The following LEF1 variants were observed in gnomAD, a reference collection of about 807,000 sequenced individuals.
The protein encoded by LEF1 is lymphoid enhancer-binding factor 1.
A neutral mutation model predicts 51.2 loss-of-function variants in LEF1; 14 were observed. The observed-to-expected ratio is 0.27, with a 90% confidence interval of 0.18 to 0.43. LEF1 has a LOEUF of 0.43. Among genes scored for constraint, LEF1 ranks in the 20% least tolerant of loss-of-function variants. LEF1 has a pLI of 1.00. For synonymous variants in LEF1, 185 were observed against 183.2 expected (o/e 1.01, Z -0.08); for missense variants, 386 against 512.0 (o/e 0.75, Z 2.37).
chr4:108,126,187 T>C (rs896507130), intron 3 of LEF1, among the ~76,000 whole-genome samples: 1 of 152,282 alleles, frequency 6.6e-6, no homozygotes, highest in Middle Eastern at 3.4e-3. Context: ...AAGCCAATTC[T>C]AGATTTTTGA....
chr4:108,087,421 GT>G (rs951725557), intron 4 of LEF1, among the ~76,000 whole-genome samples: 6 of 151,934 alleles, frequency 3.9e-5, no homozygotes, highest in East Asian at 1.9e-4. Context: ...GTTTTGGAGA[GT>G]TTTTTTTTAA....
intron 2 of LEF1, among the ~76,000 whole-genome samples, chr4:108,164,677 A>G (rs990030713): frequency 6.6e-6 from 1 of 152,220 alleles, no homozygotes; most frequent in African/African-American, 2.4e-5. Context: ...TGTAATAAGG[A>G]ACAAGAAACA....
At chr4:108,081,525 A>G in intron 6 of LEF1, 61 bp downstream of exon 6, 1 of 1,351,376 alleles carries the variant, frequency 7.4e-7, no homozygotes, top group South Asian at 1.2e-5. Flanking sequence ...AGAGGCGCAC[A>G]GGATGCAAGC....
chr4:108,163,703 T>C lies in LEF1; in HGVS notation c.281-2A>G. 6.2e-7 allele frequency: 1 copy of C among 1,612,678 alleles called. No homozygotes were observed. Among genetic ancestry groups the C allele is most frequent in the Non-Finnish European group, 8.5e-7 (1 of 1,179,386 alleles). ...AGAGGCCTCCATCTGGATGCTTTCC[T>C]GGGAAGATCCAAAGAACAATCAATG... On this transcript the variant is annotated splice_acceptor_variant, in intron 2 of 11. Transcript: ENST00000265165. LOFTEE classifies it high-confidence loss of function.
intron 2 of LEF1, 88 bp from the exon 3 acceptor site, chr4:108,163,789 AT>A (rs1745219478): frequency 7.4e-7 from 1 of 1,359,668 alleles, no homozygotes; most frequent in Admixed American, 2.3e-5. Context: ...TAGTTCTAAG[AT>A]AAATCAGACC....
chr4:108,153,066 A>G (rs1744454001), intron 3 of LEF1, among the ~76,000 whole-genome samples: 1 of 152,178 alleles, frequency 6.6e-6, no homozygotes, highest in African/African-American at 2.4e-5. Context: ...CTTGGTCACT[A>G]AAGTAGGAAC....
chr4:108,084,417 A>G lies in LEF1; in HGVS notation c.548-971T>C, dbSNP rs112557994. On this transcript the variant is annotated intron_variant, in intron 4 of 11. Transcript: ENST00000265165. ...TACGTTTAGTGACTGTAAATATTATATACTGGCTAATATGTGGAATTAGAT... is the reference window on the plus strand; with the variant it reads ...TACGTTTAGTGACTGTAAATATTATGTACTGGCTAATATGTGGAATTAGAT... 3.6e-3 allele frequency among the ~76,000 whole-genome samples: 548 copies of G among 152,344 alleles called. 1 individual carries two copies. The highest frequency in any genetic ancestry group is 6.2e-3 in the Non-Finnish European group (419 of 68,032).
intron 10 of LEF1, among the ~76,000 whole-genome samples, chr4:108,063,991 T>C (rs1264510505): frequency 6.6e-6 from 1 of 152,152 alleles, no homozygotes; most frequent in Non-Finnish European, 1.5e-5. Context: ...AAATATTGTA[T>C]CTTTAAGGAG....
At chr4:108,119,183 C>A (rs1742019765) in intron 3 of LEF1, among the ~76,000 whole-genome samples, 1 of 148,526 alleles carries the variant, frequency 6.7e-6, no homozygotes, top group Non-Finnish European at 1.5e-5. Flanking sequence ...AAAAGTTCAA[C>A]ATCAGGTGAT....
At chr4:108,053,240 C>A (rs958930901) in intron 11 of LEF1, among the ~76,000 whole-genome samples, 1 of 152,108 alleles carries the variant, frequency 6.6e-6, no homozygotes, top group African/African-American at 2.4e-5. Context: ...AAATTTAAGT[C>A]CCTAAGACTG....
At chr4:108,126,965 G>A (rs1216985394) in intron 3 of LEF1, among the ~76,000 whole-genome samples, 1 of 152,060 alleles carries the variant, frequency 6.6e-6, no homozygotes, top group African/African-American at 2.4e-5. Context: ...ATCTAATGAG[G>A]GGGATGAGAT....
At chr4:108,131,087 G>A (rs1277333804) in intron 3 of LEF1, among the ~76,000 whole-genome samples, 3 of 151,752 alleles carry the variant, frequency 2.0e-5, no homozygotes, top group South Asian at 2.1e-4. Flanking sequence ...GTGATCCTCC[G>A]CCTCAGCCGC....
intron 8 of LEF1, among the ~76,000 whole-genome samples, chr4:108,073,912 G>A (rs750503997): frequency 2.0e-5 from 3 of 148,208 alleles, no homozygotes; most frequent in Non-Finnish European, 4.5e-5. Flanking sequence ...TGCAAGCTCC[G>A]CCTCCCAGGT....
At chr4:108,151,382 T>C (rs1578400945) in intron 3 of LEF1, among the ~76,000 whole-genome samples, 1 of 152,166 alleles carries the variant, frequency 6.6e-6, no homozygotes, top group Non-Finnish European at 1.5e-5. Flanking sequence ...TATGAGAAAC[T>C]CACTGATTCA....
chr4:108,125,053 G>A (rs1742437648), intron 3 of LEF1, among the ~76,000 whole-genome samples: 1 of 152,190 alleles, frequency 6.6e-6, no homozygotes, highest in Non-Finnish European at 1.5e-5. Context: ...ATTTTCCCAT[G>A]ATAGGCCAGT....
In LEF1 at chr4:108,167,676, T is replaced by C; in HGVS notation, c.92A>G (p.Asp31Gly). ...GGCGAAGATCTTTTCCTTCTGAGGATCGCCCTCGTCCTTGAAGGGGATCAT... is the reference window on the plus strand; with the variant it reads ...GGCGAAGATCTTTTCCTTCTGAGGACCGCCCTCGTCCTTGAAGGGGATCAT... ...DEMIPFKDEG[D>G]PQKEKIFAEI... The change falls in exon 1 of 12, where the codon GAT becomes GGT. Residue 31 changes from aspartate (D) to glycine (G), a missense_variant. Coordinates refer to ENST00000265165, the MANE Select transcript of LEF1 (RefSeq NM_016269.5). The surrounding 1 kb of genome is among the most constrained non-coding windows in gnomAD (Gnocchi z 5.7). 6.2e-7 allele frequency: 1 copy of C among 1,614,180 alleles called. No individual in the cohort carries two copies. The highest frequency in any genetic ancestry group is 1.1e-5 in the South Asian group (1 of 91,084).
Position 108,083,381 on chromosome 4 carries a change from C to G in LEF1, c.613G>C (p.Gly205Arg). The change falls in exon 5 of 12, where the codon GGA becomes CGA. Residue 205 changes from glycine to arginine, a missense_variant. This residue lies in a region of LEF1 where 335 missense variants were observed against 390.7 expected (regional missense o/e 0.86). Transcript: ENST00000265165. ...TFYPLSPGGV[G>R]QITPPLGWQG... is the part of the protein sequence containing the mutation. ...CAGCCAAGAGGTGGGGTGATCTGTCCAACACCACCCGGAGACAAGGGATAA... is the reference window on the plus strand; with the variant it reads ...CAGCCAAGAGGTGGGGTGATCTGTCGAACACCACCCGGAGACAAGGGATAA... The G allele has an allele frequency of 6.2e-7, 1 of 1,613,340 alleles. No individual in the cohort carries two copies. Among genetic ancestry groups the G allele is most frequent in the South Asian group, 1.1e-5 (1 of 91,048 alleles).
chr4:108,136,930 T>G (rs1048015235), intron 3 of LEF1, among the ~76,000 whole-genome samples: 1 of 152,144 alleles, frequency 6.6e-6, no homozygotes, highest in Non-Finnish European at 1.5e-5. Flanking sequence ...TTCTGAGAGG[T>G]TGTCTGGTCA....
At chr4:108,107,171 G>A (rs1210162724) in intron 3 of LEF1, among the ~76,000 whole-genome samples, 5 of 152,176 alleles carry the variant, frequency 3.3e-5, no homozygotes, top group African/African-American at 4.8e-5. Flanking sequence ...TATTCTGCAC[G>A]AATATATGGA....
Sources: gnomAD v4.1 joint callset for allele counts (sites outside exome capture counted in the v4.1 genomes callset) on GRCh38, gnomAD v4.1.1 for gene constraint, gnomAD v4.1.1 regional missense constraint, Gnocchi (gnomAD v3.1) non-coding constraint, MANE v1.5 for transcripts, NCBI Gene and HGNC (gene_info 2026-07-23, HGNC 2026-07-21) for gene names.